The following LRRC28 variants were observed in gnomAD, a reference collection of about 807,000 sequenced individuals.
LRRC28 encodes leucine rich repeat containing 28.
Under a neutral mutation model 45.7 loss-of-function variants are expected in LRRC28, and 39 were observed. The observed-to-expected ratio is 0.85, with a 90% CI of 0.66 to 1.12. The LOEUF (loss-of-function observed/expected upper bound fraction) is 1.12. Ranked by LOEUF, LRRC28 falls within the 50% of genes most tolerant of loss-of-function variation. LRRC28 has a pLI of 0.00. For missense variants in LRRC28, 435 were observed against 438.5 expected (o/e 0.99, Z 0.07); for synonymous variants, 206 against 178.8 (o/e 1.15, Z -1.22).
chr15:99,378,874 A>C (rs968357452), intron 9 of LRRC28, among the ~76,000 whole-genome samples: 12 of 152,196 alleles, frequency 7.9e-5, no homozygotes, highest in African/African-American at 1.7e-4. Flanking sequence ...CCAGCCTTGC[A>C]TCCCAGGGAT....
chr15:99,359,927 C>T (rs185348855), intron 7 of LRRC28, among the ~76,000 whole-genome samples: 41 of 152,292 alleles, frequency 2.7e-4, no homozygotes, highest in Non-Finnish European at 5.6e-4. Context: ...TTATCTCAGG[C>T]TCTCATTTTC....
At chr15:99,352,269 G>C in intron 6 of LRRC28, 100 bp from the exon 7 acceptor site, 1 of 820,070 alleles carries the variant, frequency 1.2e-6, no homozygotes, top group Non-Finnish European at 1.9e-6. Context: ...TTCCAGAGTA[G>C]AAATCTTCGA....
chr15:99,294,383 A>G (rs1397582606), intron 5 of LRRC28, among the ~76,000 whole-genome samples: 2 of 151,912 alleles, frequency 1.3e-5, no homozygotes, highest in African/African-American at 2.4e-5. Context: ...TCTCAAGACT[A>G]GAAGTTATCT....
intron 2 of LRRC28, chr15:99,257,482 A>C (rs757351483): frequency 8.3e-6 from 3 of 362,548 alleles, no homozygotes; most frequent in Non-Finnish European, 1.6e-5. Flanking sequence ...AATGGGGTAG[A>C]CTTTGTTCAG....
chr15:99,321,016 A>G (rs1955775637), intron 5 of LRRC28, among the ~76,000 whole-genome samples: 1 of 152,134 alleles, frequency 6.6e-6, no homozygotes, highest in Non-Finnish European at 1.5e-5. Flanking sequence ...TGAGTATGTT[A>G]CTCAGAGGAT....
rs1455180847 is a variant in LRRC28, at chr15:99,333,609, C to T, written c.386-314C>T. 6.2e-5 allele frequency: 21 copies of T among 337,626 alleles called. 1 individual carries two copies. The highest frequency in any genetic ancestry group is 3.3e-5 in the Non-Finnish European group (6 of 183,520). The allele number at this position is 337,626 out of a possible 1,614,324, so 20.9% of individuals were successfully genotyped here. A position where few individuals can be genotyped will look rare whatever the true frequency, so the allele number is the denominator to read the frequency against. On this transcript the variant is annotated intron_variant, in intron 5 of 9. Coordinates refer to ENST00000301981, the MANE Select transcript of LRRC28 (RefSeq NM_144598.5). ...AATTGTTCTTTTCTCACCCTGGCAACAAACTTGACTCATCAAGATGCAGAA... is the reference window on the plus strand; with the variant it reads ...AATTGTTCTTTTCTCACCCTGGCAATAAACTTGACTCATCAAGATGCAGAA...
At chr15:99,274,885 A>G (rs144180027) in intron 2 of LRRC28, among the ~76,000 whole-genome samples, 2 of 152,276 alleles carry the variant, frequency 1.3e-5, no homozygotes, top group African/African-American at 2.4e-5. Flanking sequence ...TCTCCATTCC[A>G]TGTCATCCTC....
At chr15:99,375,426 T>G (rs773270845) in intron 9 of LRRC28, among the ~76,000 whole-genome samples, 3 of 152,214 alleles carry the variant, frequency 2.0e-5, no homozygotes, top group Non-Finnish European at 4.4e-5. Flanking sequence ...GTCTGTAATT[T>G]TCTGTTTTTG....
intron 9 of LRRC28, among the ~76,000 whole-genome samples, chr15:99,369,042 T>G (rs1170546312): frequency 6.6e-6 from 1 of 152,212 alleles, no homozygotes; most frequent in Non-Finnish European, 1.5e-5. Flanking sequence ...CCTTTGCTAC[T>G]TTATAACAAG....
rs57955347 is a variant in LRRC28, at chr15:99,387,264, G to A, written c.*1162G>A. 2 of 150,856 alleles carry A rather than the reference G, an allele frequency of 1.3e-5. No individual in the cohort carries two copies. The highest frequency in any genetic ancestry group is 3.0e-5 in the Non-Finnish European group (2 of 67,752). The allele number at this position is 150,856 out of a possible 1,614,324, so 9.3% of individuals were successfully genotyped here. A position where few individuals can be genotyped will look rare whatever the true frequency, so the allele number is the denominator to read the frequency against. ...TTTAGTAGAGACGGGGTTTCACCGT[G>A]TTAGCCGGGATGGTCTCGATCTCCT... On this transcript the variant is annotated 3_prime_UTR_variant, in exon 10 of 10. Coordinates refer to ENST00000301981, the MANE Select transcript of LRRC28 (RefSeq NM_144598.5).
At chr15:99,269,581 T>C (rs1408836838) in intron 2 of LRRC28, among the ~76,000 whole-genome samples, 1 of 152,170 alleles carries the variant, frequency 6.6e-6, no homozygotes, top group Non-Finnish European at 1.5e-5. Context: ...TTTTTGTGTT[T>C]TTAGTAGAGA....
chr15:99,368,594 A>G (rs1957401323), intron 9 of LRRC28, among the ~76,000 whole-genome samples: 1 of 152,172 alleles, frequency 6.6e-6, no homozygotes, highest in Admixed American at 6.5e-5. Context: ...TAAGTATAAC[A>G]TATGTTTGCA....
chr15:99,305,554 A>G (rs1298181181), intron 5 of LRRC28, among the ~76,000 whole-genome samples: 1 of 152,176 alleles, frequency 6.6e-6, no homozygotes, highest in East Asian at 1.9e-4. Flanking sequence ...TATCGCTAAA[A>G]CTAAAATTCT....
Position 99,278,357 on chromosome 15 carries a change from T to C in LRRC28, c.209+1741T>C, listed in dbSNP as rs534905698. Among the ~76,000 whole-genome samples the C allele has an allele frequency of 1.7e-3, 262 of 152,328 alleles. 3 individuals carry two copies. The highest frequency in any genetic ancestry group is 6.1e-3 in the African/African-American group (255 of 41,568). On this transcript the variant is annotated intron_variant, in intron 3 of 9. Coordinates refer to ENST00000301981, the MANE Select transcript of LRRC28 (RefSeq NM_144598.5). Reference sequence around the variant, plus strand: ...TCTGCCTCCCAGGTTCAAGCAATTCTCCTGCCTCAGCCTCCTAGTAGCTGG... The same window carrying C: ...TCTGCCTCCCAGGTTCAAGCAATTCCCCTGCCTCAGCCTCCTAGTAGCTGG...
intron 3 of LRRC28, among the ~76,000 whole-genome samples, chr15:99,278,815 G>T (rs1597215607): frequency 6.6e-6 from 1 of 152,314 alleles, no homozygotes; most frequent in South Asian, 2.1e-4. Context: ...TGCAGTCAAG[G>T]TTGTTGGCCA....
chr15:99,373,087 C>A (rs1009429237), intron 9 of LRRC28, among the ~76,000 whole-genome samples: 1 of 152,114 alleles, frequency 6.6e-6, no homozygotes, highest in Non-Finnish European at 1.5e-5. Context: ...ATGGGAATTA[C>A]AATTCAAGAT....
At chr15:99,291,014 G>A (rs771826310) in intron 5 of LRRC28, among the ~76,000 whole-genome samples, 2 of 152,104 alleles carry the variant, frequency 1.3e-5, no homozygotes, top group Non-Finnish European at 1.5e-5. Flanking sequence ...TGTTCTGGGT[G>A]TTGTATTATT....
intron 5 of LRRC28, among the ~76,000 whole-genome samples, chr15:99,326,272 A>G (rs1055247969): frequency 2.0e-5 from 3 of 152,230 alleles, no homozygotes; most frequent in Non-Finnish European, 4.4e-5. Context: ...TCTTACCTGG[A>G]AAATTATCTT....
intron 9 of LRRC28, among the ~76,000 whole-genome samples, chr15:99,365,321 A>G (rs529569527): frequency 6.6e-6 from 1 of 152,370 alleles, no homozygotes; most frequent in East Asian, 1.9e-4. Flanking sequence ...GACTAAGGCA[A>G]TGTCCTTTTC....
Sources: allele counts gnomAD v4.1 joint callset (sites outside exome capture counted in the v4.1 genomes callset), GRCh38; gene constraint gnomAD v4.1.1; transcripts MANE v1.5; gene names NCBI Gene and HGNC (gene_info 2026-07-23, HGNC 2026-07-21).